The following VTI1A variants were observed in gnomAD, a reference collection of about 807,000 sequenced individuals.
The protein encoded by VTI1A is vesicle transport through interaction with t-SNAREs homolog 1A.
VTI1A carries 22 observed loss-of-function variants against 34.9 expected under a neutral mutation model. The observed-to-expected ratio is 0.63, with a 90% CI of 0.45 to 0.90. The LOEUF (loss-of-function observed/expected upper bound fraction) is 0.90. VTI1A is among the 40% of genes least tolerant of loss of function. VTI1A has a pLI of 0.00. For missense variants in VTI1A, 268 were observed against 275.6 expected (o/e 0.97, Z 0.20); for synonymous variants, 87 against 97.3 (o/e 0.89, Z 0.62).
intron 7 of VTI1A, among the ~76,000 whole-genome samples, chr10:112,725,497 G>A (rs1171494898): frequency 6.6e-6 from 1 of 152,178 alleles, no homozygotes; most frequent in East Asian, 1.9e-4. Flanking sequence ...GGTGTGGTCA[G>A]CCTTTCATCC....
rs1463388567 is a variant in VTI1A at position 112,520,641 on chromosome 10, GTGTGTGTA to G, written c.265-6444_265-6437del. Among the ~76,000 whole-genome samples the G allele has an allele frequency of 1.3e-3, 142 of 111,460 alleles. 4 individuals carry two copies. The highest frequency in any genetic ancestry group is 0.011 in the South Asian group (24 of 2,214). 73.1% of individuals were successfully genotyped at this position (111,460 alleles called of 152,430 possible). The stretch of plus-strand genomic sequence containing the variant: ...TCTATATGTGTGTGTGTGTGTGTGT[GTGTGTGTA>G]TATATATATATATATATATATATAA... On this transcript the variant is annotated intron_variant, in intron 3 of 7. Coordinates refer to ENST00000393077, the MANE Select transcript of VTI1A (RefSeq NM_145206.4).
At chr10:112,772,487 A>G (rs1392681808) in intron 7 of VTI1A, among the ~76,000 whole-genome samples, 3 of 152,222 alleles carry the variant, frequency 2.0e-5, no homozygotes, top group African/African-American at 7.2e-5. Flanking sequence ...CTCCTATTCT[A>G]CAGCGTGTCT....
intron 7 of VTI1A, among the ~76,000 whole-genome samples, chr10:112,730,360 TA>T (rs1244982554): frequency 7.2e-5 from 11 of 152,302 alleles, no homozygotes; most frequent in African/African-American, 1.4e-4. Context: ...CACAACTTTG[TA>T]AAGTTGAAGT....
chr10:112,723,717 G>A (rs1849900352), intron 7 of VTI1A, among the ~76,000 whole-genome samples: 1 of 152,132 alleles, frequency 6.6e-6, no homozygotes, highest in Admixed American at 6.5e-5. Flanking sequence ...TGAATATGTG[G>A]GATAGCCTCA....
chr10:112,585,430 A>G (rs1220565761), intron 5 of VTI1A, among the ~76,000 whole-genome samples: 1 of 152,216 alleles, frequency 6.6e-6, no homozygotes, highest in Non-Finnish European at 1.5e-5. Flanking sequence ...AACATTCTTA[A>G]CTGAAAAAGA....
chr10:112,696,146 G>A (rs1848780670), intron 7 of VTI1A, among the ~76,000 whole-genome samples: 1 of 150,952 alleles, frequency 6.6e-6, no homozygotes, highest in African/African-American at 2.4e-5. Flanking sequence ...AAATTCAGAA[G>A]TTTATCTCAA....
rs142072305 is a variant in VTI1A at position 112,707,370 on chromosome 10, A to G, written c.560+38372A>G. 5.3e-3 allele frequency among the ~76,000 whole-genome samples: 803 copies of G among 152,030 alleles called. 7 individuals carry two copies. Among genetic ancestry groups the G allele is most frequent in the African/African-American group, 0.019 (771 of 41,466 alleles). On this transcript the variant is annotated intron_variant, in intron 7 of 7. Transcript: ENST00000393077. ...TTTTATTGAAATGAAGTCTCGCTCT[A>G]TCGCCCAGACTGGAGTACAATGGTG...
chr10:112,460,352 G>T (rs1279923142), intron 1 of VTI1A, among the ~76,000 whole-genome samples, 172 bp from the exon 2 acceptor site: 1 of 151,698 alleles, frequency 6.6e-6, no homozygotes. Flanking sequence ...TAGATAGCCT[G>T]GAATCAATGG....
chr10:112,493,840 C>G (rs1385892354), intron 3 of VTI1A, among the ~76,000 whole-genome samples: 1 of 152,072 alleles, frequency 6.6e-6, no homozygotes, highest in African/African-American at 2.4e-5. Context: ...TATAACCCTC[C>G]TTATATGTTG....
At chr10:112,696,094 T>TTTTATATATATA in intron 7 of VTI1A, among the ~76,000 whole-genome samples, 1 of 145,198 alleles carries the variant, frequency 6.9e-6, no homozygotes, top group East Asian at 2.0e-4. Context: ...GAGAGAATGA[T>TTTTATATATATA]TATATATATA....
At chr10:112,708,826 C>T (rs543357595) in intron 7 of VTI1A, among the ~76,000 whole-genome samples, 1 of 152,356 alleles carries the variant, frequency 6.6e-6, no homozygotes, top group African/African-American at 2.4e-5. Context: ...TTTCCCACTT[C>T]GCCGTTTGCC....
chr10:112,743,808 A>G (rs756909088), intron 7 of VTI1A, among the ~76,000 whole-genome samples: 8 of 152,246 alleles, frequency 5.3e-5, no homozygotes, highest in African/African-American at 1.7e-4. Flanking sequence ...TACATTTTCA[A>G]TCAAATATTT....
intron 3 of VTI1A, among the ~76,000 whole-genome samples, chr10:112,472,636 T>C (rs968050510): frequency 4.6e-5 from 7 of 152,150 alleles, no homozygotes; most frequent in African/African-American, 1.4e-4. Flanking sequence ...TATGCTTCTG[T>C]TTACATTTTA....
At chr10:112,501,162 A>T (rs1849219557) in intron 3 of VTI1A, among the ~76,000 whole-genome samples, 1 of 152,140 alleles carries the variant, frequency 6.6e-6, no homozygotes. Context: ...TGCTCAATAC[A>T]TTGTTGTTAA....
intron 5 of VTI1A, among the ~76,000 whole-genome samples, chr10:112,606,561 T>A (rs997225299): frequency 6.6e-6 from 1 of 152,226 alleles, no homozygotes; most frequent in Admixed American, 6.5e-5. Context: ...CACAACTTTC[T>A]CATTGCCTTG....
At chr10:112,488,396 C>T (rs1180377359) in intron 3 of VTI1A, among the ~76,000 whole-genome samples, 4 of 152,106 alleles carry the variant, frequency 2.6e-5, no homozygotes, top group Non-Finnish European at 4.4e-5. Flanking sequence ...GTGAAGAGTA[C>T]CAAGTCGAAC....
rs1370121195 is a variant in VTI1A at position 112,618,510 on chromosome 10, T to TAGAGAGAG, written c.428-49707_428-49706insGAGAGAGA. ...TATATTATATATATATATATATATA[T>TAGAGAGAG]ATATATATATATATAGAGAGAGAGA... is the stretch of plus-strand genomic sequence containing the variant. On this transcript the variant is annotated intron_variant, in intron 5 of 7. Coordinates refer to ENST00000393077, the MANE Select transcript of VTI1A (RefSeq NM_145206.4). 8.0e-3 allele frequency among the ~76,000 whole-genome samples: 258 copies of TAGAGAGAG among 32,262 alleles called. 1 individual carries two copies. Among genetic ancestry groups the TAGAGAGAG allele is most frequent in the Non-Finnish European group, 0.012 (214 of 17,616 alleles). The allele number at this position is 32,262 out of a possible 152,430, so 21.2% of individuals were successfully genotyped here.
the VTI1A span, among the ~76,000 whole-genome samples, chr10:112,847,156 T>C: frequency 1.3e-5 from 2 of 152,206 alleles, no homozygotes; most frequent in South Asian, 4.1e-4. Context: ...GCTTATTTCC[T>C]TCAAATTATG....
chr10:112,848,911 C>T, the VTI1A span, among the ~76,000 whole-genome samples: 2 of 152,286 alleles, frequency 1.3e-5, no homozygotes, highest in East Asian at 3.9e-4. Flanking sequence ...GGTCATCTTT[C>T]ATGGTTGGTA....
Sources: gnomAD v4.1 joint callset for allele counts (sites outside exome capture counted in the v4.1 genomes callset) on GRCh38, gnomAD v4.1.1 for gene constraint, MANE v1.5 for transcripts, NCBI Gene and HGNC (gene_info 2026-07-23, HGNC 2026-07-21) for gene names.